Variants in MAOB observed in about 807,000 individuals in gnomAD.
MAOB encodes amine oxidase [flavin-containing] B.
Under a neutral mutation model 41.9 loss-of-function variants are expected in MAOB, and 15 were observed. The ratio of observed to expected loss-of-function variants is 0.36; its 90% CI spans 0.24 to 0.55. MAOB has a LOEUF of 0.55. Among genes scored for constraint, MAOB ranks in the 20% least tolerant of loss-of-function variants. The probability of loss-of-function intolerance (pLI) is 0.86; values close to 1 mark genes in which losing one functional copy is unlikely to be tolerated. For synonymous variants in MAOB, 167 were observed against 144.2 expected (o/e 1.16, Z -1.13); for missense variants, 345 against 398.7 (o/e 0.87, Z 1.15).
At chrX:43,838,623 T>C (rs1039622656) in intron 3 of MAOB, among the ~76,000 whole-genome samples, 2 of 112,274 alleles carry the variant, frequency 1.8e-5, no homozygotes, top group African/African-American at 6.5e-5. Flanking sequence ...TCTTTATGGG[T>C]TTTGTTAAAC....
intron 1 of MAOB, among the ~76,000 whole-genome samples, chrX:43,869,809 A>T: frequency 8.9e-6 from 1 of 111,872 alleles, no homozygotes; most frequent in Non-Finnish European, 1.9e-5. Flanking sequence ...TTCATCGTCA[A>T]AACCCTACAG....
At chrX:43,862,195 G>A (rs1569231824) in intron 1 of MAOB, among the ~76,000 whole-genome samples, 2 of 111,659 alleles carry the variant, frequency 1.8e-5, no homozygotes, top group South Asian at 7.5e-4. Flanking sequence ...AGAAAATTAT[G>A]CAATGATATT....
At chrX:43,873,253 G>T (rs890113835) in intron 1 of MAOB, among the ~76,000 whole-genome samples, 1 of 111,546 alleles carries the variant, frequency 9.0e-6, no homozygotes, top group African/African-American at 3.3e-5. Context: ...ACACCACTGG[G>T]ATCACAGCAA....
intron 13 of MAOB, among the ~76,000 whole-genome samples, chrX:43,768,919 T>C (rs1020658340): frequency 8.9e-6 from 1 of 111,814 alleles, no homozygotes; most frequent in African/African-American, 3.3e-5. Context: ...AGGCTTACCA[T>C]AAATTTTAAT....
chrX:43,794,362 A>G (rs1361539965), intron 7 of MAOB, among the ~76,000 whole-genome samples: 1 of 110,727 alleles, frequency 9.0e-6, no homozygotes, highest in Non-Finnish European at 1.9e-5. Context: ...TTAAACTTGC[A>G]TAACCAATTC....
chrX:43,826,394 A>G (rs1049066486), intron 3 of MAOB, among the ~76,000 whole-genome samples: 12 of 111,861 alleles, frequency 1.1e-4, no homozygotes, highest in African/African-American at 3.3e-4. Context: ...ACGGGTAAAG[A>G]CCCATTCTTT....
At chrX:43,819,949 A>G (rs1202877474) in intron 3 of MAOB, among the ~76,000 whole-genome samples, 2 of 112,266 alleles carry the variant, frequency 1.8e-5, no homozygotes, top group African/African-American at 6.5e-5. Flanking sequence ...ATCATAGATC[A>G]TAATTTTAAA....
intron 12 of MAOB, among the ~76,000 whole-genome samples, chrX:43,771,304 T>C (rs2034179399): frequency 1.8e-5 from 2 of 112,215 alleles, no homozygotes; most frequent in Non-Finnish European, 3.8e-5. Context: ...CCCTCTATTA[T>C]AAAATACGCT....
chrX:43,831,199 T>C (rs752954333), intron 3 of MAOB, among the ~76,000 whole-genome samples: 1 of 111,502 alleles, frequency 9.0e-6, no homozygotes, highest in Non-Finnish European at 1.9e-5. Context: ...TTAATGGATA[T>C]GTAACCCAGG....
chrX:43,817,325 ACTT>A (rs1422873216), intron 3 of MAOB, among the ~76,000 whole-genome samples: 1 of 110,169 alleles, frequency 9.1e-6, no homozygotes, highest in Non-Finnish European at 1.9e-5. Flanking sequence ...CAGTTGCTTG[ACTT>A]CTTTTTTTCT....
At chrX:43,816,602 G>T (rs1177638979) in intron 3 of MAOB, among the ~76,000 whole-genome samples, 1 of 111,927 alleles carries the variant, frequency 8.9e-6, no homozygotes, top group Non-Finnish European at 1.9e-5. Context: ...ACTTTCTACA[G>T]CCAGCATTGC....
chrX:43,859,570 C>T (rs1231950566), intron 1 of MAOB, among the ~76,000 whole-genome samples: 2 of 111,591 alleles, frequency 1.8e-5, no homozygotes, highest in African/African-American at 3.3e-5. Flanking sequence ...AATCAACCCG[C>T]CTATACACAC....
intron 1 of MAOB, among the ~76,000 whole-genome samples, chrX:43,862,271 AC>A (rs1223424857): frequency 9.0e-6 from 1 of 111,159 alleles, no homozygotes; most frequent in Non-Finnish European, 1.9e-5. Context: ...TATTTCCTTT[AC>A]CCTGTATTGT....
At chrX:43,866,775 G>A (rs1283889949) in intron 1 of MAOB, among the ~76,000 whole-genome samples, 1 of 112,501 alleles carries the variant, frequency 8.9e-6, no homozygotes, top group African/African-American at 3.2e-5. Flanking sequence ...GGGCTAGACC[G>A]AATGATGGGA....
At chrX:43,841,853 C>T (rs1234617017) in intron 2 of MAOB, among the ~76,000 whole-genome samples, 1 of 111,546 alleles carries the variant, frequency 9.0e-6, no homozygotes, top group Non-Finnish European at 1.9e-5. Context: ...ACGGACTATC[C>T]ACATGCAGAA....
intron 1 of MAOB, among the ~76,000 whole-genome samples, chrX:43,854,338 A>G (rs1022131895): frequency 3.6e-5 from 4 of 112,570 alleles, no homozygotes; most frequent in Admixed American, 9.4e-5. Flanking sequence ...CAGCCATAAA[A>G]ACAATGAGTT....
At chrX:43,836,095 G>T (rs2035069047) in intron 3 of MAOB, among the ~76,000 whole-genome samples, 1 of 111,821 alleles carries the variant, frequency 8.9e-6, no homozygotes, top group Non-Finnish European at 1.9e-5. Context: ...ACTGTAGTTT[G>T]CCCTTGGGGA....
At position 43,831,091 on chromosome X, in the gene MAOB, G is replaced by A. The variant is rs766820665; in HGVS notation, c.279+7777C>T. On this transcript the variant is annotated intron_variant, in intron 3 of 14. Coordinates refer to ENST00000378069, the MANE Select transcript of MAOB (RefSeq NM_000898.5). ...ATAATACCAGGATAAGGGCCTTTGA[G>A]GTTCTGCATTAGAACAGCTGCTTTG... is the stretch of plus-strand genomic sequence containing the variant. 1.2e-4 allele frequency among the ~76,000 whole-genome samples: 13 copies of A among 109,753 alleles called. No homozygotes were observed. In the East Asian group the frequency reaches 3.5e-3, roughly 29 times the overall value.
chrX:43,815,185 C>T (rs763241044), intron 3 of MAOB, among the ~76,000 whole-genome samples: 1 of 112,005 alleles, frequency 8.9e-6, no homozygotes. Flanking sequence ...GTTTCCAAAG[C>T]AGAATAATGC....
Sources: allele counts gnomAD v4.1 joint callset (sites outside exome capture counted in the v4.1 genomes callset), GRCh38; gene constraint gnomAD v4.1.1; transcripts MANE v1.5; gene names NCBI Gene and HGNC (gene_info 2026-07-23, HGNC 2026-07-21).